Variants in ZDHHC16 observed in about 807,000 individuals in gnomAD.
ZDHHC16 encodes the protein zDHHC palmitoyltransferase 16, also known as palmitoyltransferase ZDHHC16.
In ZDHHC16, 33 loss-of-function variants were observed where a neutral mutation model predicts 54.4. That is an observed-to-expected ratio of 0.61 (90% CI 0.46 to 0.81). ZDHHC16 has a LOEUF of 0.81. ZDHHC16 is among the 30% of genes least tolerant of loss of function. The pLI is 0.00. For synonymous variants in ZDHHC16, 185 were observed against 182.1 expected (o/e 1.02, Z -0.13); for missense variants, 420 against 485.9 (o/e 0.86, Z 1.28).
rs1363104083 is a variant in ZDHHC16, at chr10:97,450,348, C to T, written c.-185-9C>T. ...GTGCAAGGAGGTAATTAAGTGTTTT[C>T]TTTGAAAGGTCTTTTGTGGGGATGA... On this transcript the variant is annotated splice_polypyrimidine_tract_variant and intron_variant, in intron 1 of 11. Transcript: ENST00000393760. The T allele has an allele frequency of 6.6e-6, 1 of 152,284 alleles. No homozygotes were observed. Among genetic ancestry groups the T allele is most frequent in the Non-Finnish European group, 1.5e-5 (1 of 68,142 alleles). 9.4% of individuals were successfully genotyped at this position (152,284 alleles called of 1,614,324 possible).
At chr10:97,453,282 C>A (rs1235654085) in intron 6 of ZDHHC16, among the ~76,000 whole-genome samples, 1 of 152,112 alleles carries the variant, frequency 6.6e-6, no homozygotes, top group African/African-American at 2.4e-5. Flanking sequence ...TTGGCAGATT[C>A]ATTTTACTGA....
Position 97,452,884 on chromosome 10 carries a change from C to G in ZDHHC16, c.528-11C>G, listed in dbSNP as rs1846778711. ...GGCCACCGTAACAGAGCCTGTGTCC[C>G]TTCCTCACAGGTGTGTGCTGAAGAT... On this transcript the variant is annotated splice_polypyrimidine_tract_variant and intron_variant, in intron 5 of 11. Coordinates refer to ENST00000393760, the MANE Select transcript of ZDHHC16 (RefSeq NM_198046.3). 2 of 1,614,228 alleles carry G rather than the reference C, an allele frequency of 1.2e-6. No homozygotes were observed. Among genetic ancestry groups the G allele is most frequent in the African/African-American group, 2.7e-5 (2 of 75,058 alleles).
Position 97,451,547 on chromosome 10 carries a change from T to C in ZDHHC16, c.-5-124T>C, listed in dbSNP as rs549917907. ...TAACCTTCCTACTTCTCACAGTTGG[T>C]GACTGGCCTAGCTGGGTCTTAGTCT... On this transcript the variant is annotated intron_variant, in intron 2 of 11. Coordinates refer to ENST00000393760, the MANE Select transcript of ZDHHC16 (RefSeq NM_198046.3). 1.4e-4 allele frequency: 185 copies of C among 1,357,730 alleles called. No homozygotes were observed. In the East Asian group the frequency reaches 3.8e-3, roughly 28 times the overall value. 84.1% of individuals were successfully genotyped at this position (1,357,730 alleles called of 1,614,324 possible).
At chr10:97,447,116 G>C (rs1846143506) in intron 1 of ZDHHC16, among the ~76,000 whole-genome samples, 1 of 152,166 alleles carries the variant, frequency 6.6e-6, no homozygotes, top group African/African-American at 2.4e-5. Context: ...GCCGAACTCT[G>C]GTTGTGTGGG....
chr10:97,449,858 A>ACTTTTTTTTTTTTTTTTT (rs1846443540), intron 1 of ZDHHC16, among the ~76,000 whole-genome samples: 1 of 62,354 alleles, frequency 1.6e-5, no homozygotes, highest in Admixed American at 1.9e-4. Context: ...ACTCCCCTTA[A>ACTTTTTTTTTTTTTTTTT]TTCTTTTTTT....
At chr10:97,456,682 G>T in intron 11 of ZDHHC16, 95 bp from the exon 12 acceptor site, 7 of 815,678 alleles carry the variant, frequency 8.6e-6, no homozygotes, top group Non-Finnish European at 1.3e-5. Flanking sequence ...CACCGAGGTA[G>T]CTTCAGGATA....
Position 97,451,771 on chromosome 10 carries a change from C to T in ZDHHC16, c.96C>T (p.Leu32=). ...ACAGGCGCCGCTGTCCACCTCTACT[C>T]CGGGGTCTAGTACAGCGCTGGCGCT... ...LGYRRRCPPL[L]RGLVQRWRYG... The change falls in exon 3 of 12, where the codon CTC becomes CTT. Residue 32 remains leucine, a synonymous_variant. Coordinates refer to ENST00000393760, the MANE Select transcript of ZDHHC16 (RefSeq NM_198046.3). 6.2e-7 allele frequency: 1 copy of T among 1,614,138 alleles called. No individual in the cohort carries two copies. Among genetic ancestry groups the T allele is most frequent in the Non-Finnish European group, 8.5e-7 (1 of 1,180,040 alleles).
At chr10:97,453,476 T>C in intron 6 of ZDHHC16, 54 bp from the exon 7 acceptor site, 1 of 1,595,936 alleles carries the variant, frequency 6.3e-7, no homozygotes, top group Non-Finnish European at 8.5e-7. Flanking sequence ...CTGAGGGGCC[T>C]GGACACCGCC....
intron 9 of ZDHHC16, 107 bp from the exon 10 acceptor site, chr10:97,455,553 T>G (rs1446498286): frequency 6.3e-7 from 1 of 1,575,536 alleles, no homozygotes; most frequent in South Asian, 1.1e-5. Context: ...TGAGGAAGAC[T>G]TAGGTAGAGA....
At chr10:97,453,064 G>A in intron 6 of ZDHHC16, 141 bp downstream of exon 6, 1 of 1,085,696 alleles carries the variant, frequency 9.2e-7, no homozygotes, top group East Asian at 2.4e-5. Flanking sequence ...TCCTGGGAGA[G>A]CAGGAAGCTC....
At position 97,452,495 on chromosome 10, in the gene ZDHHC16, C is replaced by G; in HGVS notation, c.519C>G (p.Ile173Met). ...CAGCCCGAACACACCACTGCAGCAT[C>G]TGCAACAGGTGGGTCTTGGCTTTGC... is the stretch of plus-strand genomic sequence containing the variant. Reference protein sequence around the residue: ...PKPARTHHCSICNRCVLKMDH... With the variant: ...PKPARTHHCSMCNRCVLKMDH... Residue 173 changes from isoleucine to methionine, a missense_variant, in exon 5 of 12, where the codon ATC (isoleucine) becomes ATG (methionine). Coordinates refer to ENST00000393760, the MANE Select transcript of ZDHHC16 (RefSeq NM_198046.3). The G allele has an allele frequency of 1.9e-6, 3 of 1,614,128 alleles. No individual in the cohort carries two copies. The highest frequency in any genetic ancestry group is 2.5e-6 in the Non-Finnish European group (3 of 1,179,966).
chr10:97,452,008 G>T, intron 3 of ZDHHC16, 82 bp from the exon 4 acceptor site: 1 of 1,598,314 alleles, frequency 6.3e-7, no homozygotes, highest in Non-Finnish European at 8.5e-7. Context: ...TTGGAGGCCG[G>T]CCCCCACCCC....
In ZDHHC16 at chr10:97,456,869, C is replaced by A. The variant is rs1437338897; in HGVS notation, c.1112C>A (p.Ser371Ter). The A allele has an allele frequency of 6.2e-7, 1 of 1,612,356 alleles. No homozygotes were observed. The highest frequency in any genetic ancestry group is 2.2e-5 in the East Asian group (1 of 44,824). The change falls in exon 12 of 12, where the codon TCA becomes TAA. Residue 371 changes from serine to a stop codon, truncating the protein, a stop_gained. Coordinates refer to ENST00000393760, the MANE Select transcript of ZDHHC16 (RefSeq NM_198046.3). LOFTEE classifies it high-confidence loss of function. ...CCCCCTCCCTGGGTGACTGCTCACT[C>A]AGCCTCTGTGATGGCAGTGTGAGCT... ...WEPPPWVTAH[S>*]ASVMAV
chr10:97,446,177 G>C lies in ZDHHC16; in HGVS notation c.-362G>C. 2 of 785,948 alleles carry C rather than the reference G, an allele frequency of 2.5e-6. No individual in the cohort carries two copies. Among genetic ancestry groups the C allele is most frequent in the East Asian group, 2.7e-5 (1 of 37,154 alleles). The allele number at this position is 785,948 out of a possible 1,614,324, so 48.7% of individuals were successfully genotyped here. On this transcript the variant is annotated 5_prime_UTR_variant, in exon 1 of 12. Coordinates refer to ENST00000393760, the MANE Select transcript of ZDHHC16 (RefSeq NM_198046.3). ...GGTCCACGCTGGCGCCTGCGCGTGT[G>C]GTTGAGGATGGGCTGGCGGCGGGTC...
intron 11 of ZDHHC16, chr10:97,456,349 A>G (rs1847186425): frequency 1.2e-5 from 5 of 404,482 alleles, no homozygotes; most frequent in South Asian, 6.2e-5. Flanking sequence ...AGCAGTGTCT[A>G]GAGTTCAAGC....
intron 6 of ZDHHC16, among the ~76,000 whole-genome samples, 191 bp downstream of exon 6, chr10:97,453,114 A>G (rs1409087957): frequency 2.0e-5 from 3 of 152,172 alleles, no homozygotes; most frequent in Non-Finnish European, 2.9e-5. Flanking sequence ...GGAATCTTTT[A>G]ACACCTCTTT....
Position 97,446,322 on chromosome 10 carries a change from G to A in ZDHHC16, c.-217G>A, listed in dbSNP as rs1846016355. ...GCGGCGGCAGAGGCTACGGGGCTCG[G>A]TTTGGCTGACTGGGGAGTCGGCAGG... On this transcript the variant is annotated 5_prime_UTR_variant, in exon 1 of 12. Transcript: ENST00000393760. 1.1e-5 allele frequency: 5 copies of A among 443,130 alleles called. No homozygotes were observed. The highest frequency in any genetic ancestry group is 2.1e-5 in the African/African-American group (1 of 47,924). The allele number at this position is 443,130 out of a possible 1,614,324, so 27.4% of individuals were successfully genotyped here. A position where few individuals can be genotyped will look rare whatever the true frequency, so the allele number is the denominator to read the frequency against.
chr10:97,452,392 C>G lies in ZDHHC16; in HGVS notation c.439-23C>G, dbSNP rs763832591. On this transcript the variant is annotated intron_variant, in intron 4 of 11. Coordinates refer to ENST00000393760, the MANE Select transcript of ZDHHC16 (RefSeq NM_198046.3). ...TTGAGAGACAGAACTGGTGCTGCCA[C>G]GTTATGCTCTCCCTTCACACAGGGC... is the stretch of plus-strand genomic sequence containing the variant. 4.3e-6 allele frequency: 7 copies of G among 1,613,230 alleles called. No homozygotes were observed. The Admixed American group carries it at 6.7e-5, about 15-fold the overall frequency.
intron 11 of ZDHHC16, 105 bp downstream of exon 11, chr10:97,456,149 GCA>G (rs779428296): frequency 2.5e-6 from 3 of 1,178,164 alleles, no homozygotes; most frequent in Non-Finnish European, 3.7e-6. Flanking sequence ...TACTGTGTTA[GCA>G]CAGTTCTAGA....
Sources: allele counts gnomAD v4.1 joint callset (sites outside exome capture counted in the v4.1 genomes callset), GRCh38; gene constraint gnomAD v4.1.1; transcripts MANE v1.5; gene names NCBI Gene and HGNC (gene_info 2026-07-23, HGNC 2026-07-21).